DIPK1C: variants seen among roughly 807,000 people sequenced by gnomAD.
The protein encoded by DIPK1C is familial non-conventional Alzheimer's dementia.
Under a neutral mutation model 28.0 loss-of-function variants are expected in DIPK1C, and 33 were observed. That is an observed-to-expected ratio of 1.18 (90% CI 0.89 to 1.58). The LOEUF is 1.58. DIPK1C is among the 40% of genes most tolerant of loss of function. The pLI, the probability that DIPK1C is intolerant of heterozygous loss-of-function variation, is 0.00. For synonymous variants in DIPK1C, 255 were observed against 248.8 expected (o/e 1.02, Z -0.23); for missense variants, 569 against 568.5 (o/e 1.00, Z -0.01).
chr18:74,436,833 G>A lies in DIPK1C; in HGVS notation c.1042-114C>T, dbSNP rs112746285. On this transcript the variant is annotated intron_variant, in intron 3 of 3. Coordinates refer to ENST00000343998, the MANE Select transcript of DIPK1C (RefSeq NM_001044369.3). ...CAGCTTCTCTCCCACCCCCACCCCC[G>A]TCCTTCAGGGAGCACACTCCAGAGA... 1.4e-3 allele frequency: 1,191 copies of A among 857,464 alleles called. 5 individuals are homozygous for A. The highest frequency in any genetic ancestry group is 6.5e-3 in the African/African-American group (223 of 34,282). 53.1% of individuals were successfully genotyped at this position (857,464 alleles called of 1,614,324 possible). A position where few individuals can be genotyped will look rare whatever the true frequency, so the allele number is the denominator to read the frequency against.
chr18:74,447,478 G>A lies in DIPK1C; in HGVS notation c.199-195C>T, dbSNP rs1285051654. 6.6e-6 allele frequency among the ~76,000 whole-genome samples: 1 copy of A among 152,172 alleles called. No homozygotes were observed. The highest frequency in any genetic ancestry group is 6.5e-5 in the Admixed American group (1 of 15,276). On this transcript the variant is annotated intron_variant, in intron 1 of 3. Transcript: ENST00000343998. The surrounding 1 kb of genome is among the most constrained non-coding windows in gnomAD (Gnocchi z 4.1). The stretch of plus-strand genomic sequence containing the variant: ...AATTCAGAGGAAGGTTAAAGGAGCC[G>A]CTCACAGTCATTACACGACTCAGTC...
rs1986524965 is a variant in DIPK1C at position 74,456,853 on chromosome 18, C to A, written c.198+209G>T. ...AATTCTGGCGAAAAGGGGAGAGACA[C>A]CCCCAGCGCGCCCACAGAGCACTGC... On this transcript the variant is annotated intron_variant, in intron 1 of 3. Coordinates refer to ENST00000343998, the MANE Select transcript of DIPK1C (RefSeq NM_001044369.3). Among the ~76,000 whole-genome samples the A allele has an allele frequency of 3.3e-5, 5 of 152,178 alleles. No individual in the cohort carries two copies. The South Asian group carries it at 8.3e-4, about 25-fold the overall frequency.
intron 1 of DIPK1C, among the ~76,000 whole-genome samples, 173 bp downstream of exon 1, chr18:74,456,889 C>T (rs764123339): frequency 1.3e-5 from 2 of 152,116 alleles, no homozygotes; most frequent in Non-Finnish European, 2.9e-5. Flanking sequence ...CGGCTGCGTC[C>T]CCATTCGGGG....
At chr18:74,458,975 G>C (rs1449830054), upstream of DIPK1C, among the ~76,000 whole-genome samples, 9 of 152,078 alleles carry the variant, frequency 5.9e-5, no homozygotes, top group Non-Finnish European at 1.2e-4. Flanking sequence ...ATGGTGATGT[G>C]GGCTTGTAGT....
chr18:74,458,940 C>CAAAAAAAAAAAAAAAAAAA (rs61690822), upstream of DIPK1C, among the ~76,000 whole-genome samples: 1 of 123,368 alleles, frequency 8.1e-6, no homozygotes, highest in African/African-American at 2.9e-5. Flanking sequence ...CCAACCTGGG[C>CAAAAAAAAAAAAAAAAAAA]AAAAAAAAAA....
chr18:74,447,047 G>A lies in DIPK1C; in HGVS notation c.435C>T (p.Ala145=), dbSNP rs770688367. The stretch of plus-strand genomic sequence containing the variant: ...CCCCAGCCACCATCAGGAGGAGTTC[G>A]GCCTCGGGCATGTCCTGGCCACCCT... ...AGEGGQDMPE[A]ELLLMVAGEV... The change falls in exon 2 of 4, where the codon GCC becomes GCT. Residue 145 remains alanine, a synonymous_variant. Coordinates refer to ENST00000343998, the MANE Select transcript of DIPK1C (RefSeq NM_001044369.3). This position sits in a 1 kb window ranked among gnomAD's most constrained non-coding sequence, Gnocchi z 4.1. The A allele has an allele frequency of 6.5e-7, 1 of 1,549,382 alleles. No individual in the cohort carries two copies. Among genetic ancestry groups the A allele is most frequent in the Non-Finnish European group, 8.7e-7 (1 of 1,146,330 alleles).
At chr18:74,464,002 T>G in the DIPK1C span, among the ~76,000 whole-genome samples, 20 of 152,180 alleles carry the variant, frequency 1.3e-4, no homozygotes, top group Admixed American at 9.8e-4. Flanking sequence ...GAAGTTAGAT[T>G]CCCCTTACCA....
chr18:74,452,244 A>T (rs1346535148), intron 1 of DIPK1C, among the ~76,000 whole-genome samples: 1 of 152,170 alleles, frequency 6.6e-6, no homozygotes, highest in African/African-American at 2.4e-5. Context: ...ATTCCTTGAT[A>T]TCCTTTACAA....
chr18:74,439,145 T>A (rs1304392790), intron 3 of DIPK1C, among the ~76,000 whole-genome samples: 1 of 152,212 alleles, frequency 6.6e-6, no homozygotes, highest in East Asian at 1.9e-4. Context: ...ATAATTAAAT[T>A]TGTCAACTGT....
intron 2 of DIPK1C, among the ~76,000 whole-genome samples, chr18:74,443,715 T>C (rs1487065177): frequency 6.6e-6 from 1 of 152,244 alleles, no homozygotes; most frequent in African/African-American, 2.4e-5. Context: ...TCCTATCCCA[T>C]TATTTAGCCA....
At chr18:74,442,484 A>T (rs1191187951) in intron 2 of DIPK1C, among the ~76,000 whole-genome samples, 1 of 151,932 alleles carries the variant, frequency 6.6e-6, no homozygotes, top group African/African-American at 2.4e-5. Flanking sequence ...GCCCACCACC[A>T]CACCCGGCTA....
upstream of DIPK1C, among the ~76,000 whole-genome samples, chr18:74,461,991 G>T (rs1323157830): frequency 6.6e-6 from 1 of 152,150 alleles, no homozygotes; most frequent in Non-Finnish European, 1.5e-5. Context: ...CAAACTCCTG[G>T]GCTCAAGGGA....
intron 3 of DIPK1C, among the ~76,000 whole-genome samples, chr18:74,440,944 C>A (rs1693436216): frequency 6.6e-6 from 1 of 152,210 alleles, no homozygotes. Flanking sequence ...CTCAGTGATT[C>A]TTTGGCCCAG....
intron 1 of DIPK1C, among the ~76,000 whole-genome samples, 198 bp downstream of exon 1, chr18:74,456,864 C>T (rs1181289044): frequency 6.6e-6 from 1 of 152,188 alleles, no homozygotes; most frequent in African/African-American, 2.4e-5. Flanking sequence ...CCCCAGCGCG[C>T]CCACAGAGCA....
chr18:74,454,451 A>G (rs953784107), intron 1 of DIPK1C, among the ~76,000 whole-genome samples: 47 of 152,210 alleles, frequency 3.1e-4, no homozygotes, highest in African/African-American at 1.1e-3. Flanking sequence ...GAGCCTGGGA[A>G]CACTGGCAGC....
In DIPK1C at chr18:74,446,595, G is replaced by C. The variant is rs1986265826; in HGVS notation, c.876+11C>G. 1 of 1,449,440 alleles carries C rather than the reference G, an allele frequency of 6.9e-7. No individual in the cohort carries two copies. The highest frequency in any genetic ancestry group is 9.1e-7 in the Non-Finnish European group (1 of 1,095,384). The allele number at this position is 1,449,440 out of a possible 1,614,324, so 89.8% of individuals were successfully genotyped here. ...TCTCTGCACATAAACACACCGACCT[G>C]CGCCACTTACTGTGAAGTCGCTCCG... is the stretch of plus-strand genomic sequence containing the variant. On this transcript the variant is annotated intron_variant, in intron 2 of 3. Coordinates refer to ENST00000343998, the MANE Select transcript of DIPK1C (RefSeq NM_001044369.3).
At chr18:74,449,226 G>C (rs1344181817) in intron 1 of DIPK1C, among the ~76,000 whole-genome samples, 1 of 152,158 alleles carries the variant, frequency 6.6e-6, no homozygotes, top group Non-Finnish European at 1.5e-5. Flanking sequence ...GTATCTATAT[G>C]TGTTTGACTT....
At chr18:74,445,661 G>GACCA (rs201832624) in intron 2 of DIPK1C, among the ~76,000 whole-genome samples, 1,544 of 152,274 alleles carry the variant, frequency 0.01, 22 homozygotes, top group African/African-American at 0.033. Flanking sequence ...GCTCCACAGT[G>GACCA]ACCAGCATGC....
intron 3 of DIPK1C, among the ~76,000 whole-genome samples, chr18:74,439,281 G>A (rs1010678321): frequency 6.6e-6 from 1 of 152,068 alleles, no homozygotes; most frequent in Non-Finnish European, 1.5e-5. Flanking sequence ...TGAGCCATCT[G>A]GAATCTAGTC....
Sources: allele counts gnomAD v4.1 joint callset (sites outside exome capture counted in the v4.1 genomes callset), GRCh38; gene constraint gnomAD v4.1.1; non-coding constraint Gnocchi (gnomAD v3.1); transcripts MANE v1.5; gene names NCBI Gene and HGNC (gene_info 2026-07-23, HGNC 2026-07-21).